Variants in ANKRD36 observed in about 807,000 individuals in gnomAD.
ANKRD36 encodes the protein ankyrin repeat domain-containing protein 36A.
In ANKRD36, 179 loss-of-function variants were observed where a neutral mutation model predicts 278.1. That is an observed-to-expected ratio of 0.64 (90% CI 0.57 to 0.73). The LOEUF (loss-of-function observed/expected upper bound fraction) is 0.73, where lower values mean the gene tolerates loss of function less well. Ranked by LOEUF, ANKRD36 falls within the 30% of genes least tolerant of loss-of-function variation. The probability of loss-of-function intolerance (pLI) is 0.00; values close to 1 mark genes in which losing one functional copy is unlikely to be tolerated. For synonymous variants in ANKRD36, 320 were observed against 641.1 expected (o/e 0.50, Z 7.57); for missense variants, 1,159 against 1,956.7 (o/e 0.59, Z 7.69).
chr2:97,248,295 AG>A (rs1301310502), intron 72 of ANKRD36: 1 of 114,512 alleles, frequency 8.7e-6, no homozygotes, highest in Non-Finnish European at 1.5e-5. Flanking sequence ...TAAACTAAAA[AG>A]GGGGTTATAG....
intron 67 of ANKRD36, among the ~76,000 whole-genome samples, chr2:97,225,629 TTTA>T (rs1175980125): frequency 1.3e-5 from 2 of 152,122 alleles, no homozygotes; most frequent in African/African-American, 4.8e-5. Context: ...CTTTTTTTAT[TTTA>T]TTATTATTAT....
At chr2:97,157,131 C>CTCTTTCTG (rs2047669177) in intron 15 of ANKRD36, among the ~76,000 whole-genome samples, 1 of 143,518 alleles carries the variant, frequency 7.0e-6, no homozygotes, top group East Asian at 2.0e-4. Flanking sequence ...TTTTTTTTTC[C>CTCTTTCTG]TCTCTCTCTC....
At chr2:97,228,973 C>A (rs1263888300) in intron 67 of ANKRD36, among the ~76,000 whole-genome samples, 1 of 151,620 alleles carries the variant, frequency 6.6e-6, no homozygotes, top group African/African-American at 2.4e-5. Context: ...ATCCTGAGTT[C>A]TAGTTTGATT....
At chr2:97,224,478 C>T (rs1390036724) in intron 66 of ANKRD36, among the ~76,000 whole-genome samples, 5 of 147,460 alleles carry the variant, frequency 3.4e-5, no homozygotes, top group Non-Finnish European at 7.4e-5. Context: ...GACACAGTCT[C>T]GCTCTGCCAC....
Position 97,192,812 on chromosome 2 carries a change from T to C in ANKRD36, c.2348-46T>C, listed in dbSNP as rs771267091. Reference sequence around the variant, plus strand: ...CACTTCATGAATGTATGGATAACTTTGTCATAGTTACATATGAGTGATTAT... The same window carrying C: ...CACTTCATGAATGTATGGATAACTTCGTCATAGTTACATATGAGTGATTAT... On this transcript the variant is annotated intron_variant, in intron 36 of 75. Transcript: ENST00000420699. The C allele has an allele frequency of 2.5e-6, 4 of 1,573,782 alleles. No individual in the cohort carries two copies. The African/African-American group carries it at 5.4e-5, about 21-fold the overall frequency.
rs745501631 is a variant in ANKRD36, at chr2:97,158,123, A to C, written c.1277A>C (p.Tyr426Ser). The change falls in exon 16 of 76, where the codon TAC (tyrosine) becomes TCC (serine). Residue 426 changes from tyrosine (Y) to serine (S), a missense_variant. Tyr to Ser is a moderately radical substitution (Grantham distance 144, BLOSUM62 -2). Transcript: ENST00000420699. ...ALESENISEP[Y>S]FTNRRTISQQ... ...GTCTTCTAGAATATTTCAGAACCAT[A>C]CTTTACGAACAGAAGGACTATTTCT... 6.6e-7 allele frequency: 1 copy of C among 1,513,674 alleles called. No homozygotes were observed. The highest frequency in any genetic ancestry group is 1.2e-5 in the South Asian group (1 of 83,418). 93.8% of individuals were successfully genotyped at this position (1,513,674 alleles called of 1,614,324 possible).
At chr2:97,146,126 C>A (rs545169133) in intron 10 of ANKRD36, among the ~76,000 whole-genome samples, 2 of 152,084 alleles carry the variant, frequency 1.3e-5, no homozygotes, top group African/African-American at 4.8e-5. Flanking sequence ...GCACCACCAA[C>A]CTGGTAATTT....
chr2:97,167,361 A>C (rs928199682), intron 20 of ANKRD36, among the ~76,000 whole-genome samples: 1 of 152,028 alleles, frequency 6.6e-6, no homozygotes, highest in East Asian at 1.9e-4. Context: ...TTCAGGGTAC[A>C]CCATAGTATT....
At chr2:97,130,395 A>G (rs1053991695) in intron 6 of ANKRD36, among the ~76,000 whole-genome samples, 1 of 142,066 alleles carries the variant, frequency 7.0e-6, no homozygotes, top group Non-Finnish European at 1.5e-5. Context: ...GAATTGAACA[A>G]TGAGAACACA....
chr2:97,120,605 A>G (rs1444561715), intron 3 of ANKRD36, among the ~76,000 whole-genome samples: 5 of 151,972 alleles, frequency 3.3e-5, no homozygotes, highest in Admixed American at 6.6e-5. Context: ...TTATAAATGA[A>G]TGAATGTTGT....
intron 22 of ANKRD36, among the ~76,000 whole-genome samples, chr2:97,178,695 A>C (rs1289340859): frequency 7.2e-5 from 10 of 138,112 alleles, no homozygotes; most frequent in Admixed American, 7.2e-5. Context: ...GGGGGAGGGG[A>C]GAGGGATAGC....
intron 6 of ANKRD36, among the ~76,000 whole-genome samples, chr2:97,141,981 G>A (rs71429314): frequency 1.0e-4 from 16 of 152,388 alleles, no homozygotes; most frequent in South Asian, 6.2e-4. Context: ...CCTTATTGCC[G>A]TGAGTGGATG....
At chr2:97,212,249 G>T (rs1184655480) in intron 58 of ANKRD36, among the ~76,000 whole-genome samples, 1 of 151,866 alleles carries the variant, frequency 6.6e-6, no homozygotes, top group Non-Finnish European at 1.5e-5. Context: ...TGTAATTTGG[G>T]ATTTCTGCTG....
intron 6 of ANKRD36, among the ~76,000 whole-genome samples, chr2:97,136,490 G>A (rs2041544400): frequency 6.6e-6 from 1 of 151,894 alleles, no homozygotes; most frequent in Admixed American, 6.6e-5. Context: ...TTGATTAGAA[G>A]TTCTGGAGGC....
At chr2:97,132,767 A>C (rs1453621220) in intron 6 of ANKRD36, among the ~76,000 whole-genome samples, 1 of 152,076 alleles carries the variant, frequency 6.6e-6, no homozygotes, top group Non-Finnish European at 1.5e-5. Flanking sequence ...GCAAAGGGGC[A>C]TGTGGCAAGT....
At chr2:97,181,302 A>G (rs2056133086) in intron 24 of ANKRD36, among the ~76,000 whole-genome samples, 1 of 151,484 alleles carries the variant, frequency 6.6e-6, no homozygotes, top group Non-Finnish European at 1.5e-5. Context: ...TACTCCTCTG[A>G]TTTGTCCTCA....
rs987782056 is a variant in ANKRD36 at position 97,206,847 on chromosome 2, C to G, written c.3163+712C>G. On this transcript the variant is annotated intron_variant, in intron 52 of 75. Transcript: ENST00000420699. ...TTTTGTTGATTTTAGGTATAGAAAT[C>G]AGACAAACTTGAATCTGAATACATT... Among the ~76,000 whole-genome samples, 9 of 151,418 alleles carry G rather than the reference C, an allele frequency of 5.9e-5. 1 individual carries two copies. Among genetic ancestry groups the G allele is most frequent in the East Asian group, 2.0e-4 (1 of 5,126 alleles).
At chr2:97,192,137 G>GAATATGTC (rs2058656466) in intron 36 of ANKRD36, among the ~76,000 whole-genome samples, 1 of 151,672 alleles carries the variant, frequency 6.6e-6, no homozygotes, top group Non-Finnish European at 1.5e-5. Context: ...TTACTCTGTA[G>GAATATGTC]AATATGTCAA....
chr2:97,185,715 A>G (rs2057289194), intron 30 of ANKRD36, among the ~76,000 whole-genome samples: 1 of 151,810 alleles, frequency 6.6e-6, no homozygotes, highest in South Asian at 2.1e-4. Flanking sequence ...AGACTTCCCC[A>G]CATTGAAATT....
Sources: allele counts gnomAD v4.1 joint callset (sites outside exome capture counted in the v4.1 genomes callset), GRCh38; gene constraint gnomAD v4.1.1; transcripts MANE v1.5; gene names NCBI Gene and HGNC (gene_info 2026-07-23, HGNC 2026-07-21).